Variants in SMYD3 observed in about 807,000 individuals in gnomAD.
SMYD3 encodes the protein histone-lysine N-methyltransferase SMYD3.
Under a neutral mutation model 57.7 loss-of-function variants are expected in SMYD3, and 36 were observed. The ratio of observed to expected loss-of-function variants is 0.62; its 90% CI spans 0.48 to 0.82. SMYD3 has a LOEUF of 0.82. Among genes scored for constraint, SMYD3 ranks in the 40% least tolerant of loss-of-function variants. The pLI, the probability that SMYD3 is intolerant of heterozygous loss-of-function variation, is 0.00. For synonymous variants in SMYD3, 211 were observed against 195.0 expected, an observed-to-expected ratio of 1.08 and a Z score of -0.68; for missense variants, 515 against 538.8, an observed-to-expected ratio of 0.96 and a Z score of 0.44.
At chr1:245,874,189 A>G (rs1572565458) in intron 8 of SMYD3, among the ~76,000 whole-genome samples, 1 of 152,226 alleles carries the variant, frequency 6.6e-6, no homozygotes, top group East Asian at 1.9e-4. Flanking sequence ...ACTGAAGACA[A>G]CACTCAACAT....
intron 5 of SMYD3, among the ~76,000 whole-genome samples, chr1:246,040,961 C>A (rs577313817): frequency 2.0e-5 from 3 of 152,144 alleles, no homozygotes; most frequent in Admixed American, 1.3e-4. Context: ...TATATAGTCA[C>A]GCACTGCATA....
At chr1:246,446,781 G>A (rs1040827811) in intron 1 of SMYD3, among the ~76,000 whole-genome samples, 3 of 152,138 alleles carry the variant, frequency 2.0e-5, no homozygotes, top group African/African-American at 4.8e-5. Context: ...TGTAATCCCA[G>A]CACTTTGGGA....
intron 1 of SMYD3, among the ~76,000 whole-genome samples, chr1:246,477,007 T>C (rs1655149989): frequency 6.6e-6 from 1 of 152,244 alleles, no homozygotes; most frequent in South Asian, 2.1e-4. Context: ...CAACTAGTCA[T>C]GCTTCTCTAT....
chr1:246,219,363 G>T (rs2063215925), intron 5 of SMYD3, among the ~76,000 whole-genome samples: 1 of 152,080 alleles, frequency 6.6e-6, no homozygotes, highest in African/African-American at 2.4e-5. Context: ...GCCTGACGGG[G>T]TAACTCTGGA....
At chr1:246,316,399 G>A (rs150589798) in intron 5 of SMYD3, among the ~76,000 whole-genome samples, 154 of 143,718 alleles carry the variant, frequency 1.1e-3, no homozygotes, top group African/African-American at 3.8e-3. Flanking sequence ...CACTCTTGTC[G>A]CCCAGGCTGG....
chr1:245,782,191 T>C (rs1201549792), intron 10 of SMYD3, among the ~76,000 whole-genome samples: 1 of 152,056 alleles, frequency 6.6e-6, no homozygotes, highest in Non-Finnish European at 1.5e-5. Flanking sequence ...GAGAATCAAA[T>C]CCCTACTTAG....
intron 8 of SMYD3, among the ~76,000 whole-genome samples, chr1:245,865,398 T>C (rs1235034286): frequency 6.6e-6 from 1 of 152,110 alleles, no homozygotes; most frequent in Non-Finnish European, 1.5e-5. Flanking sequence ...AGAGGTGAAA[T>C]ATTCTTCTTC....
At position 246,028,511 on chromosome 1, in the gene SMYD3, A is replaced by T. The variant is rs570143291; in HGVS notation, c.532-98574T>A. Among the ~76,000 whole-genome samples the T allele has an allele frequency of 5.3e-5, 8 of 152,322 alleles. No individual in the cohort carries two copies. The East Asian group carries it at 1.5e-3, about 29-fold the overall frequency. ...CAAAAACATAAATAAAGTATCTAACAATAAATTTATTGAAGGAGGAGAGAG... is the reference window on the plus strand; with the variant it reads ...CAAAAACATAAATAAAGTATCTAACTATAAATTTATTGAAGGAGGAGAGAG... On this transcript the variant is annotated intron_variant, in intron 5 of 11. Coordinates refer to ENST00000490107, the MANE Select transcript of SMYD3 (RefSeq NM_001167740.2).
intron 1 of SMYD3, among the ~76,000 whole-genome samples, chr1:246,446,364 T>C (rs2067551788): frequency 6.6e-6 from 1 of 152,228 alleles, no homozygotes; most frequent in Non-Finnish European, 1.5e-5. Context: ...TAATTCTATT[T>C]ATCTAGTAAG....
chr1:246,118,808 C>T (rs1055332056), intron 5 of SMYD3, among the ~76,000 whole-genome samples: 5 of 90,848 alleles, frequency 5.5e-5, no homozygotes, highest in African/African-American at 9.9e-5. Flanking sequence ...GTATGAGGCA[C>T]GTGCTTTTTT....
chr1:245,986,542 A>G (rs1033641580), intron 5 of SMYD3, among the ~76,000 whole-genome samples: 4 of 152,234 alleles, frequency 2.6e-5, no homozygotes, highest in African/African-American at 9.6e-5. Context: ...ACAAAATTAC[A>G]TAACATTTTA....
chr1:246,085,367 G>C (rs1488944338), intron 5 of SMYD3, among the ~76,000 whole-genome samples: 1 of 151,958 alleles, frequency 6.6e-6, no homozygotes, highest in Non-Finnish European at 1.5e-5. Context: ...TGGTACTTTG[G>C]CATATTAGAT....
Position 246,355,079 on chromosome 1 carries a change from C to A in SMYD3, c.180G>T (p.Met60Ile). Reference protein sequence around the residue: ...DRCLLGKEKLMRCSQCRVAKY... With the variant: ...DRCLLGKEKLIRCSQCRVAKY... The stretch of plus-strand genomic sequence containing the variant: ...TGGCGACGCGGCACTGAGAGCATCG[C>A]ATCAGCTTTTCCTTCCTGTGGGGAA... The change falls in exon 2 of 12, where the codon ATG becomes ATT. Residue 60 changes from methionine (M) to isoleucine (I), a missense_variant. Coordinates refer to ENST00000490107, the MANE Select transcript of SMYD3 (RefSeq NM_001167740.2). The surrounding 1 kb of genome is among the most constrained non-coding windows in gnomAD (Gnocchi z 5.0). 6.2e-7 allele frequency: 1 copy of A among 1,614,176 alleles called. No individual in the cohort carries two copies. The highest frequency in any genetic ancestry group is 8.5e-7 in the Non-Finnish European group (1 of 1,180,034).
intron 11 of SMYD3, among the ~76,000 whole-genome samples, chr1:245,752,330 A>G (rs1454056433): frequency 6.6e-6 from 1 of 152,146 alleles, no homozygotes; most frequent in Admixed American, 6.5e-5. Context: ...GCCCTCACAG[A>G]GGCCCTCGGC....
intron 1 of SMYD3, among the ~76,000 whole-genome samples, chr1:246,458,821 C>T (rs1415300267): frequency 6.6e-6 from 1 of 151,928 alleles, no homozygotes; most frequent in African/African-American, 2.4e-5. Flanking sequence ...TATTCTGCAG[C>T]CTAACCTAGT....
At chr1:246,125,282 T>A (rs2061493605) in intron 5 of SMYD3, among the ~76,000 whole-genome samples, 1 of 152,208 alleles carries the variant, frequency 6.6e-6, no homozygotes, top group African/African-American at 2.4e-5. Flanking sequence ...ATGAATACTA[T>A]TTAAGTCATC....
chr1:246,138,581 A>G (rs1158711367), intron 5 of SMYD3, among the ~76,000 whole-genome samples: 3 of 110,200 alleles, frequency 2.7e-5, no homozygotes, highest in Admixed American at 9.4e-5. Context: ...TCCCGCCACC[A>G]CGCCCGGCTA....
At chr1:245,763,952 A>G (rs765842395) in intron 11 of SMYD3, 89 bp downstream of exon 11, 3 of 978,880 alleles carry the variant, frequency 3.1e-6, no homozygotes, top group South Asian at 1.3e-5. Context: ...GCACACATAC[A>G]TAGAGCTGCT....
intron 9 of SMYD3, among the ~76,000 whole-genome samples, chr1:245,861,087 C>T (rs1268425821): frequency 6.6e-6 from 1 of 152,238 alleles, no homozygotes; most frequent in Admixed American, 6.5e-5. Context: ...TTTCCCTTCA[C>T]AATGCTGGCA....
Sources: allele counts gnomAD v4.1 joint callset (sites outside exome capture counted in the v4.1 genomes callset), GRCh38; gene constraint gnomAD v4.1.1; non-coding constraint Gnocchi (gnomAD v3.1); transcripts MANE v1.5; gene names NCBI Gene and HGNC (gene_info 2026-07-23, HGNC 2026-07-21).